The following PAK2 variants were observed in gnomAD, a reference collection of about 807,000 sequenced individuals.
The protein encoded by PAK2 is p21 (RAC1) activated kinase 2.
Under a neutral mutation model 65.9 loss-of-function variants are expected in PAK2, and 21 were observed. That is an observed-to-expected ratio of 0.32 (90% CI 0.23 to 0.46). The LOEUF (loss-of-function observed/expected upper bound fraction) is 0.46, where lower values mean the gene tolerates loss of function less well. PAK2 is among the 20% of genes least tolerant of loss of function. PAK2 has a pLI of 1.00. For missense variants in PAK2, 324 were observed against 642.6 expected, an observed-to-expected ratio of 0.50 and a Z score of 5.36; for synonymous variants, 204 against 219.7, an observed-to-expected ratio of 0.93 and a Z score of 0.63.
intron 1 of PAK2, among the ~76,000 whole-genome samples, chr3:196,746,028 C>T (rs1363296660): frequency 2.7e-5 from 4 of 150,414 alleles, no homozygotes; most frequent in Non-Finnish European, 2.9e-5. Context: ...GGGGTTTCAC[C>T]GTATTAGCCA....
chr3:196,816,821 G>A (rs1241631521), intron 11 of PAK2, among the ~76,000 whole-genome samples: 4 of 152,168 alleles, frequency 2.6e-5, no homozygotes, highest in Admixed American at 2.0e-4. Flanking sequence ...TGTAAGGAAA[G>A]GAGTAGTTTA....
chr3:196,827,448 GC>G, intron 14 of PAK2, 115 bp downstream of exon 14: 1 of 1,502,708 alleles, frequency 6.7e-7, no homozygotes, highest in Non-Finnish European at 8.9e-7. Context: ...CAGCGGTATG[GC>G]AGCTGCTGCA....
At position 196,807,719 on chromosome 3, in the gene PAK2, T is replaced by A. The variant is rs987918921; in HGVS notation, c.577-63T>A. On this transcript the variant is annotated intron_variant, in intron 6 of 14. Coordinates refer to ENST00000327134, the MANE Select transcript of PAK2 (RefSeq NM_002577.4). ...TAAAAATCAAAGAACTGAATTAGTT[T>A]GCCAGGAAGAATATCTGAAAACATT... The A allele has an allele frequency of 2.7e-5, 25 of 930,152 alleles. No homozygotes were observed. In the African/African-American group the frequency reaches 4.0e-4, roughly 15 times the overall value. The allele number at this position is 930,152 out of a possible 1,614,324, so 57.6% of individuals were successfully genotyped here.
intron 11 of PAK2, among the ~76,000 whole-genome samples, chr3:196,815,246 T>G (rs62409458): frequency 0.19 from 28,697 of 151,616 alleles, 2,863 homozygotes; most frequent in South Asian, 0.28. Flanking sequence ...ATCCTAGCAC[T>G]TTGGGAGGCC....
intron 14 of PAK2, 29 bp downstream of exon 14, chr3:196,827,362 G>T: frequency 6.3e-7 from 1 of 1,587,754 alleles, no homozygotes; most frequent in East Asian, 2.3e-5. Context: ...TCATTTGGGG[G>T]AATAGTTGAC....
chr3:196,749,564 C>T (rs1028977197), intron 1 of PAK2, among the ~76,000 whole-genome samples: 1 of 152,086 alleles, frequency 6.6e-6, no homozygotes, highest in Non-Finnish European at 1.5e-5. Flanking sequence ...TATTCAAGTG[C>T]TCATGTGTAG....
At chr3:196,823,567 AC>A (rs200583749) in intron 13 of PAK2, among the ~76,000 whole-genome samples, 17 of 151,136 alleles carry the variant, frequency 1.1e-4, no homozygotes, top group African/African-American at 2.4e-4. Context: ...AAACAAACAA[AC>A]AAAAAAAACA....
intron 1 of PAK2, among the ~76,000 whole-genome samples, chr3:196,756,858 A>G (rs1458301920): frequency 1.3e-5 from 2 of 152,140 alleles, no homozygotes; most frequent in African/African-American, 2.4e-5. Context: ...AAGAAACAAA[A>G]TGCTTATTCC....
rs542725456 is a variant in PAK2, at chr3:196,764,421, G to A, written c.-21-18205G>A. 3.3e-5 allele frequency among the ~76,000 whole-genome samples: 5 copies of A among 151,964 alleles called. No homozygotes were observed. The East Asian group carries it at 7.8e-4, about 24-fold the overall frequency. ...ACTTGAGGTCAGGAGTTCAAGACCA[G>A]CCTGGCCAACATGGTGTGAAGCCGC... On this transcript the variant is annotated intron_variant, in intron 1 of 14. Transcript: ENST00000327134.
chr3:196,758,093 G>A (rs1159052667), intron 1 of PAK2, among the ~76,000 whole-genome samples: 1 of 152,180 alleles, frequency 6.6e-6, no homozygotes, highest in Middle Eastern at 3.2e-3. Context: ...ATTCATTCAA[G>A]AAATAATGAC....
At chr3:196,801,775 G>T (rs1051131433) in intron 2 of PAK2, 152 bp from the exon 3 acceptor site, 1 of 508,396 alleles carries the variant, frequency 2.0e-6, no homozygotes, top group Non-Finnish European at 3.5e-6. Context: ...AGAGGTTGCA[G>T]TCAGCTGAGA....
At chr3:196,761,167 TA>T (rs1400110469) in intron 1 of PAK2, among the ~76,000 whole-genome samples, 2 of 123,794 alleles carry the variant, frequency 1.6e-5, no homozygotes, top group African/African-American at 2.9e-5. Flanking sequence ...TTTTTTAATT[TA>T]TTTTTTTATT....
chr3:196,751,694 T>TATATATATATATATATATATATATATAA (rs1211217848), intron 1 of PAK2, among the ~76,000 whole-genome samples: 6 of 45,852 alleles, frequency 1.3e-4, no homozygotes, highest in African/African-American at 5.8e-4. Flanking sequence ...TATATATATA[T>TATATATATATATATATATATATATATAA]AATTCAGGCT....
At chr3:196,813,877 G>T (rs920638562) in intron 10 of PAK2, among the ~76,000 whole-genome samples, 1 of 152,084 alleles carries the variant, frequency 6.6e-6, no homozygotes, top group Admixed American at 6.6e-5. Context: ...TTGAACCCAA[G>T]AGGTGGAGGC....
intron 1 of PAK2, among the ~76,000 whole-genome samples, chr3:196,745,819 A>AAAAC (rs372947198): frequency 2.4e-5 from 1 of 41,818 alleles, no homozygotes; most frequent in East Asian, 3.6e-4. Context: ...ATCTCTAAGT[A>AAAAC]AAAAAAAAAA....
chr3:196,791,378 C>T lies in PAK2; in HGVS notation c.187+8545C>T, dbSNP rs1406181381. 6.6e-6 allele frequency among the ~76,000 whole-genome samples: 1 copy of T among 152,122 alleles called. No homozygotes were observed. Among genetic ancestry groups the T allele is most frequent in the Non-Finnish European group, 1.5e-5 (1 of 68,036 alleles). ...TTATTTTGAATGATCTAATGTGGCT[C>T]TATCTCAAGTTCTGCTTAATCGTTT... On this transcript the variant is annotated intron_variant, in intron 2 of 14. Coordinates refer to ENST00000327134, the MANE Select transcript of PAK2 (RefSeq NM_002577.4). This position sits in a 1 kb window ranked among gnomAD's most constrained non-coding sequence, Gnocchi z 4.0.
At chr3:196,774,626 A>G (rs746655767) in intron 1 of PAK2, among the ~76,000 whole-genome samples, 2 of 152,224 alleles carry the variant, frequency 1.3e-5, no homozygotes, top group Non-Finnish European at 2.9e-5. Context: ...TAGGATTGAC[A>G]TGGTGCAGTC....
chr3:196,792,804 A>AT (rs1553805659), intron 2 of PAK2, among the ~76,000 whole-genome samples: 19 of 150,756 alleles, frequency 1.3e-4, no homozygotes, highest in African/African-American at 3.2e-4. Flanking sequence ...GACAGAAAAA[A>AT]ATATATATAT....
Position 196,829,436 on chromosome 3 carries a change from A to C in PAK2, c.*1031A>C. ...TCCCATGGCAAATAATATAATAACC[A>C]GTGAATTTTCAGGAATTTAAAAATT... is the stretch of plus-strand genomic sequence containing the variant. On this transcript the variant is annotated 3_prime_UTR_variant, in exon 15 of 15. Transcript: ENST00000327134. 1 of 152,466 alleles carries C rather than the reference A, an allele frequency of 6.6e-6. No homozygotes were observed. The highest frequency in any genetic ancestry group is 1.9e-4 in the East Asian group (1 of 5,198). 9.4% of individuals were successfully genotyped at this position (152,466 alleles called of 1,614,324 possible).
Sources: gnomAD v4.1 joint callset for allele counts (sites outside exome capture counted in the v4.1 genomes callset) on GRCh38, gnomAD v4.1.1 for gene constraint, Gnocchi (gnomAD v3.1) non-coding constraint, MANE v1.5 for transcripts, NCBI Gene and HGNC (gene_info 2026-07-23, HGNC 2026-07-21) for gene names.